COL10A1: variants seen among roughly 807,000 people sequenced by gnomAD.
COL10A1 encodes collagen alpha-1(X) chain.
In COL10A1, 10 loss-of-function variants were observed where a neutral mutation model predicts 18.2. The ratio of observed to expected loss-of-function variants is 0.55; its 90% confidence interval spans 0.34 to 0.93. COL10A1 has a LOEUF of 0.93. Ranked by LOEUF, COL10A1 falls within the 40% of genes least tolerant of loss-of-function variation. The pLI, the probability that COL10A1 is intolerant of heterozygous loss-of-function variation, is 0.02. For synonymous variants in COL10A1, 330 were observed against 316.6 expected, an observed-to-expected ratio of 1.04 and a Z score of -0.45; for missense variants, 897 against 853.5, an observed-to-expected ratio of 1.05 and a Z score of -0.64.
Position 116,119,378 on chromosome 6 carries a change from T to A in COL10A1, c.*695A>T, listed in dbSNP as rs1311848188. 2.0e-5 allele frequency: 3 copies of A among 152,422 alleles called. No individual in the cohort carries two copies. Among genetic ancestry groups the A allele is most frequent in the Non-Finnish European group, 2.9e-5 (2 of 68,062 alleles). The allele number at this position is 152,422 out of a possible 1,614,324, so 9.4% of individuals were successfully genotyped here. A position where few individuals can be genotyped will look rare whatever the true frequency, so the allele number is the denominator to read the frequency against. On this transcript the variant is annotated 3_prime_UTR_variant, in exon 3 of 3. Transcript: ENST00000651968. ...AGTTATGCTGGGTATATAAAAAGCT[T>A]CTCTGCAATCATAGAAAAGTTTGAA...
the COL10A1 span, among the ~76,000 whole-genome samples, chr6:116,208,422 C>A: frequency 1.3e-5 from 2 of 152,006 alleles, no homozygotes; most frequent in Non-Finnish European, 2.9e-5. Context: ...TACAGTGTAT[C>A]TCTTTGAAGC....
At chr6:116,141,885 A>AACACACACACACACACACACACACAC (rs3051942) in intron 1 of COL10A1, among the ~76,000 whole-genome samples, 21 of 140,404 alleles carry the variant, frequency 1.5e-4, no homozygotes, top group African/African-American at 5.3e-4. Context: ...CCAAAAAGAA[A>AACACACACACACACACACACACACAC]ACACACACAC....
intron 2 of COL10A1, among the ~76,000 whole-genome samples, chr6:116,123,310 T>A (rs145292330): frequency 1.5e-3 from 236 of 152,316 alleles, no homozygotes; most frequent in African/African-American, 5.6e-3. Context: ...GGTCTCAACT[T>A]CTCAGTGCGA....
chr6:116,154,359 C>T lies in COL10A1; in HGVS notation c.-16+4255G>A, dbSNP rs192396977. Among the ~76,000 whole-genome samples the T allele has an allele frequency of 2.6e-3, 396 of 152,212 alleles. 10 individuals carry two copies. The South Asian group carries it at 0.043, about 17-fold the overall frequency. ...TTCTGTTCCTGTATCCTAACACCGT[C>T]CATGGTCACCCAGTTTCCCCTCAGA... On this transcript the variant is annotated intron_variant, in intron 1 of 1. Transcript: ENST00000418500.
the COL10A1 span, among the ~76,000 whole-genome samples, chr6:116,168,352 CTT>C: frequency 6.6e-6 from 1 of 151,912 alleles, no homozygotes; most frequent in Non-Finnish European, 1.5e-5. Flanking sequence ...CTAATTCTCT[CTT>C]CAGTTGCGTC....
chr6:116,144,366 T>C lies in COL10A1; in HGVS notation c.-16+14248A>G, dbSNP rs186943769. 1.5e-3 allele frequency among the ~76,000 whole-genome samples: 229 copies of C among 152,180 alleles called. 1 individual carries two copies. The highest frequency in any genetic ancestry group is 0.014 in the Middle Eastern group (4 of 294). On this transcript the variant is annotated intron_variant, in intron 1 of 1. Transcript: ENST00000418500. ...AATACAAAAAATTAGCTGGGCGTGATGGTGCACGCCTGTAGTCCCAGCTAC... is the reference window on the plus strand; with the variant it reads ...AATACAAAAAATTAGCTGGGCGTGACGGTGCACGCCTGTAGTCCCAGCTAC...
At chr6:116,125,701 C>G in intron 1 of COL10A1, 194 bp from the exon 2 acceptor site, 1 of 456,362 alleles carries the variant, frequency 2.2e-6, no homozygotes, top group Non-Finnish European at 3.9e-6. Context: ...TTTTTGGAAG[C>G]TATACTCAGG....
upstream of COL10A1, among the ~76,000 whole-genome samples, chr6:116,160,534 T>A (rs961305193): frequency 6.6e-6 from 1 of 152,226 alleles, no homozygotes; most frequent in South Asian, 2.1e-4. Context: ...TTCTGTCAGA[T>A]GCATAGTTTG....
intron 1 of COL10A1, chr6:116,158,494 A>G (rs113160673): frequency 1.3e-5 from 2 of 152,342 alleles, no homozygotes; most frequent in Non-Finnish European, 2.9e-5. Flanking sequence ...TTCTTTAAAT[A>G]CATTTTATCT....
At chr6:116,142,086 T>C (rs1562135841) in intron 1 of COL10A1, among the ~76,000 whole-genome samples, 1 of 152,098 alleles carries the variant, frequency 6.6e-6, no homozygotes, top group Admixed American at 6.5e-5. Flanking sequence ...GGAATTGATA[T>C]TAGGATCCTA....
chr6:116,178,084 TGTGTGCGC>T, the COL10A1 span, among the ~76,000 whole-genome samples: 5,451 of 91,788 alleles, frequency 0.059, 148 homozygotes, highest in Non-Finnish European at 0.08. Flanking sequence ...TGTGTGTGTG[TGTGTGCGC>T]GCGCGCGCGC....
At chr6:116,171,478 G>A in the COL10A1 span, among the ~76,000 whole-genome samples, 6 of 152,138 alleles carry the variant, frequency 3.9e-5, no homozygotes, top group East Asian at 1.9e-4. Flanking sequence ...TATTATCATC[G>A]TAATAATAAT....
chr6:116,167,587 T>C, the COL10A1 span, among the ~76,000 whole-genome samples: 1 of 152,180 alleles, frequency 6.6e-6, no homozygotes, highest in East Asian at 1.9e-4. Context: ...TTTGATAAAA[T>C]TGCAATATTT....
intron 1 of COL10A1, among the ~76,000 whole-genome samples, chr6:116,136,328 C>G (rs972556484): frequency 6.7e-6 from 1 of 148,600 alleles, no homozygotes; most frequent in Non-Finnish European, 1.5e-5. Flanking sequence ...AATATGCACA[C>G]TTTTTTTTTT....
At chr6:116,212,557 A>C in the COL10A1 span, among the ~76,000 whole-genome samples, 11 of 152,158 alleles carry the variant, frequency 7.2e-5, no homozygotes, top group African/African-American at 2.7e-4. Flanking sequence ...GAAACTGAGG[A>C]TATCTGAACT....
chr6:116,212,931 G>T, the COL10A1 span, among the ~76,000 whole-genome samples: 9 of 152,194 alleles, frequency 5.9e-5, no homozygotes, highest in African/African-American at 2.2e-4. Flanking sequence ...AAATTTATAT[G>T]CAGTAGAAAC....
chr6:116,216,950 T>C, the COL10A1 span, among the ~76,000 whole-genome samples: 1 of 152,164 alleles, frequency 6.6e-6, no homozygotes, highest in Admixed American at 6.6e-5. Flanking sequence ...TAAATTATAT[T>C]CTGCAATGGA....
chr6:116,154,698 G>A (rs973625954), intron 1 of COL10A1, among the ~76,000 whole-genome samples: 2 of 152,008 alleles, frequency 1.3e-5, no homozygotes, highest in African/African-American at 2.4e-5. Context: ...ATATTTGGAT[G>A]GTTTTGATGA....
At chr6:116,150,998 T>C (rs1397555795) in intron 1 of COL10A1, among the ~76,000 whole-genome samples, 2 of 152,230 alleles carry the variant, frequency 1.3e-5, no homozygotes, top group African/African-American at 2.4e-5. Flanking sequence ...GTGAATAAGA[T>C]GACATTAACA....
Sources: allele counts gnomAD v4.1 joint callset (sites outside exome capture counted in the v4.1 genomes callset), GRCh38; gene constraint gnomAD v4.1.1; transcripts MANE v1.5; gene names NCBI Gene and HGNC (gene_info 2026-07-23, HGNC 2026-07-21).